FCRL2: variants seen among roughly 807,000 people sequenced by gnomAD.
FCRL2 encodes Fc receptor-like protein 2.
FCRL2 carries 48 observed loss-of-function variants against 59.8 expected under a neutral mutation model. That is an observed-to-expected ratio of 0.80 (90% CI 0.64 to 1.02). FCRL2 has a LOEUF of 1.02. Ranked by LOEUF, FCRL2 falls within the 50% of genes least tolerant of loss-of-function variation. The pLI is 0.00. For missense variants in FCRL2, 658 were observed against 597.3 expected (o/e 1.10, Z -1.06); for synonymous variants, 251 against 229.5 (o/e 1.09, Z -0.85).
At chr1:157,750,032 T>A (rs1425971820) in intron 7 of FCRL2, among the ~76,000 whole-genome samples, 1 of 152,256 alleles carries the variant, frequency 6.6e-6, no homozygotes, top group Non-Finnish European at 1.5e-5. Context: ...CATTGATGAC[T>A]AATTTTATTT....
At chr1:157,747,255 C>G (rs141148270) in intron 10 of FCRL2, among the ~76,000 whole-genome samples, 105 of 152,282 alleles carry the variant, frequency 6.9e-4, no homozygotes, top group African/African-American at 2.4e-3. Flanking sequence ...TGTGGTTCAC[C>G]TCACTACATA....
chr1:157,774,077 C>A (rs1650229169), intron 2 of FCRL2, among the ~76,000 whole-genome samples: 1 of 152,206 alleles, frequency 6.6e-6, no homozygotes, highest in South Asian at 2.1e-4. Context: ...TGAAAAATAT[C>A]TTTACCAGAG....
chr1:157,747,913 C>A (rs1422473591), intron 10 of FCRL2, among the ~76,000 whole-genome samples: 3 of 152,204 alleles, frequency 2.0e-5, no homozygotes, highest in Non-Finnish European at 4.4e-5. Flanking sequence ...TCCTCTTGGA[C>A]TTTAGACATG....
chr1:157,754,957 C>T (rs1235549566), intron 7 of FCRL2, among the ~76,000 whole-genome samples: 1 of 150,838 alleles, frequency 6.6e-6, no homozygotes, highest in African/African-American at 2.4e-5. Context: ...CAGAGAGAGA[C>T]TCTGTCTCAA....
intron 2 of FCRL2, among the ~76,000 whole-genome samples, chr1:157,775,244 T>C (rs1201695667): frequency 1.3e-5 from 2 of 152,158 alleles, no homozygotes; most frequent in African/African-American, 2.4e-5. Flanking sequence ...TGGCATTGAG[T>C]AGTTACGGCA....
rs766235041 is a variant in FCRL2, at chr1:157,746,902, G to A, written c.1460-3C>T. 1.9e-6 allele frequency: 3 copies of A among 1,613,070 alleles called. No homozygotes were observed. The highest frequency in any genetic ancestry group is 2.5e-6 in the Non-Finnish European group (3 of 1,179,964). On this transcript the variant is annotated splice_region_variant and splice_polypyrimidine_tract_variant and intron_variant, in intron 10 of 11. Transcript: ENST00000361516. The stretch of plus-strand genomic sequence containing the variant: ...CTCCAGAAGTGTCCTGATGTTTGCT[G>A]TTAAGGAAAAAGTAATAGTTCTGAG...
At chr1:157,774,607 T>C in intron 2 of FCRL2, 1 of 381,852 alleles carries the variant, frequency 2.6e-6, no homozygotes, top group South Asian at 2.0e-5. Context: ...TGTCTTGGCA[T>C]GATTCCACTA....
chr1:157,747,427 C>T (rs1245906088), intron 10 of FCRL2, among the ~76,000 whole-genome samples: 3 of 152,192 alleles, frequency 2.0e-5, no homozygotes, highest in East Asian at 1.9e-4. Context: ...TGAAGATTTA[C>T]AGCTAGAGGG....
At chr1:157,753,805 C>G (rs1648379826) in intron 7 of FCRL2, among the ~76,000 whole-genome samples, 1 of 152,108 alleles carries the variant, frequency 6.6e-6, no homozygotes, top group Admixed American at 6.5e-5. Flanking sequence ...CCAGGAGCCC[C>G]TCTGTTGAGA....
At chr1:157,755,848 T>C (rs1389405028) in intron 7 of FCRL2, among the ~76,000 whole-genome samples, 2 of 152,050 alleles carry the variant, frequency 1.3e-5, no homozygotes, top group East Asian at 3.8e-4. Context: ...TCTGGAAAAA[T>C]AAATGAGATA....
Position 157,770,559 on chromosome 1 carries a change from C to T in FCRL2, c.160G>A (p.Asp54Asn). Residue 54 changes from aspartate to asparagine, a missense_variant, in exon 3 of 12, where the codon GAT (aspartate) becomes AAT (asparagine). Physicochemically the swap from Asp to Asn is conservative, Grantham distance 23. Coordinates refer to ENST00000361516, the MANE Select transcript of FCRL2 (RefSeq NM_030764.4). ...WKIQKMAYHKDNKELSVFKKF... is the reference protein window; with the variant it reads ...WKIQKMAYHKNNKELSVFKKF... The stretch of plus-strand genomic sequence containing the variant: ...TTGAAAACAGATAACTCTTTGTTAT[C>T]CTTATGGTAAGCCATCTTCTGAATT... 4 of 1,614,222 alleles carry T rather than the reference C, an allele frequency of 2.5e-6. No homozygotes were observed. The highest frequency in any genetic ancestry group is 1.1e-5 in the South Asian group (1 of 91,082).
chr1:157,768,712 A>G lies in FCRL2; in HGVS notation c.596-11T>C, dbSNP rs759009110. 23 of 1,593,670 alleles carry G rather than the reference A, an allele frequency of 1.4e-5. 1 individual carries two copies. The South Asian group carries it at 2.3e-4, about 16-fold the overall frequency. ...TAGAGATGGGGATTCCTAGATGGAT[A>G]TAAGACAACAGGTGAGAACTCTAAG... On this transcript the variant is annotated splice_polypyrimidine_tract_variant and intron_variant, in intron 4 of 11. Coordinates refer to ENST00000361516, the MANE Select transcript of FCRL2 (RefSeq NM_030764.4).
intron 10 of FCRL2, among the ~76,000 whole-genome samples, chr1:157,748,064 G>C (rs928785073): frequency 2.6e-5 from 4 of 152,034 alleles, no homozygotes; most frequent in Middle Eastern, 6.8e-3. Context: ...CCTACCTCCA[G>C]GTGTCTCTTG....
At chr1:157,765,645 C>T (rs1036045755) in intron 7 of FCRL2, among the ~76,000 whole-genome samples, 1 of 152,152 alleles carries the variant, frequency 6.6e-6, no homozygotes, top group South Asian at 2.1e-4. Flanking sequence ...GAAGCTTGTG[C>T]TTTTGACAGT....
intron 5 of FCRL2, 161 bp from the exon 6 acceptor site, chr1:157,767,670 T>C (rs1557865926): frequency 6.3e-7 from 1 of 1,591,512 alleles, no homozygotes; most frequent in Non-Finnish European, 8.6e-7. Flanking sequence ...TTCTCAACAA[T>C]ATATTTAGAC....
intron 4 of FCRL2, 150 bp downstream of exon 4, chr1:157,769,716 C>G (rs577518297): frequency 2.5e-4 from 223 of 876,946 alleles, no homozygotes; most frequent in Admixed American, 1.4e-4. Flanking sequence ...CGTGAGCCAC[C>G]GCGCCCGGCC....
chr1:157,771,992 C>A (rs1013221173), intron 2 of FCRL2, among the ~76,000 whole-genome samples: 1 of 150,702 alleles, frequency 6.6e-6, no homozygotes, highest in Non-Finnish European at 1.5e-5. Flanking sequence ...TTCAGCAGAA[C>A]CAGAATTACT....
rs946871950 is a variant in FCRL2, at chr1:157,768,473, C to A, written c.824G>T (p.Cys275Phe). The change falls in exon 5 of 12, where the codon TGT becomes TTT. Residue 275 changes from cysteine to phenylalanine, a missense_variant. By Grantham distance (205) the Cys-to-Phe change is radical. Coordinates refer to ENST00000361516, the MANE Select transcript of FCRL2 (RefSeq NM_030764.4). ...AGGCACATGGCCGTTGTCAGCTCTA[C>A]AGTAATATTTGCCGGCATCACTCTC... ...VKESDAGKYY[C>F]RADNGHVPIQ... 2.5e-6 allele frequency: 4 copies of A among 1,614,100 alleles called. No individual in the cohort carries two copies. The highest frequency in any genetic ancestry group is 3.4e-6 in the Non-Finnish European group (4 of 1,180,050).
intron 7 of FCRL2, among the ~76,000 whole-genome samples, chr1:157,758,336 T>C (rs1648757039): frequency 6.6e-6 from 1 of 152,198 alleles, no homozygotes; most frequent in African/African-American, 2.4e-5. Flanking sequence ...TTAGATCATC[T>C]GTTTAAAAAA....
Sources: allele counts gnomAD v4.1 joint callset (sites outside exome capture counted in the v4.1 genomes callset), GRCh38; gene constraint gnomAD v4.1.1; transcripts MANE v1.5; gene names NCBI Gene and HGNC (gene_info 2026-07-23, HGNC 2026-07-21).